The following BCO2 variants were observed in gnomAD, a reference collection of about 807,000 sequenced individuals.
The protein encoded by BCO2 is carotenoid-cleaving dioxygenase, mitochondrial.
In BCO2, 56 loss-of-function variants were observed where a neutral mutation model predicts 65.8. The ratio of observed to expected loss-of-function variants is 0.85; its 90% confidence interval spans 0.69 to 1.06. The LOEUF (loss-of-function observed/expected upper bound fraction) is 1.06, where lower values mean the gene tolerates loss of function less well. Ranked by LOEUF, BCO2 falls within the 50% of genes least tolerant of loss-of-function variation. The pLI, the probability that BCO2 is intolerant of heterozygous loss-of-function variation, is 0.00. For missense variants in BCO2, 675 were observed against 698.5 expected, an observed-to-expected ratio of 0.97 and a Z score of 0.38; for synonymous variants, 233 against 242.3, an observed-to-expected ratio of 0.96 and a Z score of 0.36.
intron 7 of BCO2, among the ~76,000 whole-genome samples, chr11:112,201,642 TA>T (rs34577982): frequency 0.13 from 19,280 of 152,054 alleles, 1,439 homozygotes; most frequent in East Asian, 0.39. Context: ...GACTGCACCT[TA>T]AAAAAAATTA....
intron 2 of BCO2, chr11:112,181,548 G>A: frequency 1.3e-6 from 1 of 746,466 alleles, no homozygotes; most frequent in Non-Finnish European, 2.5e-6. Context: ...ATCGTGGACA[G>A]CTCATTGTAA....
At chr11:112,215,092 AAGTT>A in intron 10 of BCO2, 148 bp downstream of exon 10, 1 of 740,688 alleles carries the variant, frequency 1.4e-6, no homozygotes, top group East Asian at 2.6e-5. Context: ...GAAATCATCT[AAGTT>A]AGGGGTATGT....
At position 112,193,144 on chromosome 11, in the gene BCO2, A is replaced by G. The variant is rs12577846; in HGVS notation, c.294-330A>G. Among the ~76,000 whole-genome samples the G allele has an allele frequency of 2.3e-4, 35 of 151,324 alleles. No homozygotes were observed. In the East Asian group the frequency reaches 6.6e-3, roughly 29 times the overall value. On this transcript the variant is annotated intron_variant, in intron 2 of 11. Coordinates refer to ENST00000357685, the MANE Select transcript of BCO2 (RefSeq NM_031938.7). ...AGGCGCATGCCACCATGCCCAGTTA[A>G]TTTTTTGTATTTTTTAGTAGAGATG...
rs1867027249 is a variant in BCO2 at position 112,181,079 on chromosome 11, A to G, written c.293+1597A>G. The G allele has an allele frequency of 6.7e-6, 10 of 1,501,634 alleles. No homozygotes were observed. In the South Asian group the frequency reaches 6.8e-5, roughly 10 times the overall value. 93.0% of individuals were successfully genotyped at this position (1,501,634 alleles called of 1,614,324 possible). On this transcript the variant is annotated intron_variant, in intron 2 of 11. Transcript: ENST00000357685. ...TGTTGGAGGGCGGTACTTTACAACT[A>G]CACGGAGCACTTTAGTGAATAAAGA...
chr11:112,194,304 G>T, intron 4 of BCO2: 1 of 412,760 alleles, frequency 2.4e-6, no homozygotes, highest in Non-Finnish European at 4.3e-6. Context: ...TTGGACTGGA[G>T]GTTGTCTATA....
At chr11:112,212,195 A>C (rs1859530866) in intron 8 of BCO2, among the ~76,000 whole-genome samples, 1 of 152,208 alleles carries the variant, frequency 6.6e-6, no homozygotes, top group Non-Finnish European at 1.5e-5. Flanking sequence ...TATTTCAGAG[A>C]GGAAAATGGG....
intron 8 of BCO2, among the ~76,000 whole-genome samples, chr11:112,206,214 G>A (rs1232434042): frequency 6.6e-6 from 1 of 150,394 alleles, no homozygotes; most frequent in African/African-American, 2.5e-5. Context: ...GGGCCAGGCA[G>A]AGGCGCTCCT....
intron 7 of BCO2, among the ~76,000 whole-genome samples, chr11:112,201,808 A>C (rs10749990): frequency 0.97 from 148,136 of 152,264 alleles, 72,090 homozygotes; most frequent in East Asian, 1. Flanking sequence ...TATCAAATAG[A>C]CCCAGTTCAT....
chr11:112,182,807 C>T, intron 2 of BCO2: 1 of 645,836 alleles, frequency 1.5e-6, no homozygotes, highest in Non-Finnish European at 2.7e-6. Context: ...ACATATGTAA[C>T]AAACCGGCAC....
At chr11:112,211,272 G>A (rs992703962) in intron 8 of BCO2, among the ~76,000 whole-genome samples, 1 of 151,478 alleles carries the variant, frequency 6.6e-6, no homozygotes, top group African/African-American at 2.4e-5. Flanking sequence ...GTTGTAGCAT[G>A]TATCAGAATT....
At chr11:112,193,398 G>A in intron 2 of BCO2, 76 bp from the exon 3 acceptor site, 6 of 1,278,644 alleles carry the variant, frequency 4.7e-6, no homozygotes, top group Non-Finnish European at 6.7e-6. Context: ...TATTTGAAAT[G>A]AAGATCTATC....
chr11:112,195,180 G>A (rs919067335), intron 5 of BCO2, among the ~76,000 whole-genome samples: 7 of 112,078 alleles, frequency 6.2e-5, no homozygotes, highest in Non-Finnish European at 1.1e-4. Flanking sequence ...TCTGTTGCCA[G>A]GCAGGAGTGC....
At chr11:112,207,635 C>G (rs1276791941) in intron 8 of BCO2, among the ~76,000 whole-genome samples, 2 of 152,158 alleles carry the variant, frequency 1.3e-5, no homozygotes, top group Non-Finnish European at 2.9e-5. Flanking sequence ...ATCCCTGGCC[C>G]TTCACGTTTT....
chr11:112,191,925 A>G (rs571492353), intron 2 of BCO2, among the ~76,000 whole-genome samples: 29 of 152,300 alleles, frequency 1.9e-4, no homozygotes, highest in African/African-American at 5.8e-4. Flanking sequence ...CTGGTAAAAT[A>G]CATATAACAT....
At chr11:112,183,171 A>G (rs1438478288) in intron 2 of BCO2, 69 of 1,049,056 alleles carry the variant, frequency 6.6e-5, no homozygotes, top group Non-Finnish European at 8.8e-5. Context: ...ACCACTATAC[A>G]TGTCACAAAG....
intron 8 of BCO2, among the ~76,000 whole-genome samples, chr11:112,205,132 A>T (rs954491888): frequency 1.3e-5 from 2 of 152,218 alleles, no homozygotes; most frequent in African/African-American, 2.4e-5. Context: ...GTCAAAAGTT[A>T]TGTGTGGATT....
At chr11:112,202,291 T>TC (rs2135382244) in intron 8 of BCO2, 101 bp downstream of exon 8, 2 of 1,117,002 alleles carry the variant, frequency 1.8e-6, no homozygotes, top group Admixed American at 2.8e-5. Context: ...CTCTCTCTCT[T>TC]TTTTCTTTTG....
intron 8 of BCO2, among the ~76,000 whole-genome samples, chr11:112,203,806 GA>G (rs1205053944): frequency 6.6e-6 from 1 of 151,606 alleles, no homozygotes; most frequent in Non-Finnish European, 1.5e-5. Context: ...GTGTATTTGA[GA>G]TTTTCTTTAA....
At chr11:112,211,893 T>C (rs1182908963) in intron 8 of BCO2, among the ~76,000 whole-genome samples, 1 of 152,220 alleles carries the variant, frequency 6.6e-6, no homozygotes, top group African/African-American at 2.4e-5. Flanking sequence ...TCTAGTTGTT[T>C]TCAATGGGGT....
Sources: gnomAD v4.1 joint callset for allele counts (sites outside exome capture counted in the v4.1 genomes callset) on GRCh38, gnomAD v4.1.1 for gene constraint, MANE v1.5 for transcripts, NCBI Gene and HGNC (gene_info 2026-07-23, HGNC 2026-07-21) for gene names.